PREX2: variants seen among roughly 807,000 people sequenced by gnomAD.
The protein encoded by PREX2 is phosphatidylinositol-3,4,5-trisphosphate dependent Rac exchange factor 2, also known as phosphatidylinositol 3,4,5-trisphosphate-dependent Rac exchanger 2 protein.
PREX2 carries 107 observed loss-of-function variants against 203.2 expected under a neutral mutation model. That is an observed-to-expected ratio of 0.53 (90% CI 0.45 to 0.62). PREX2 has a LOEUF of 0.62. Among genes scored for constraint, PREX2 ranks in the 20% least tolerant of loss-of-function variants. The pLI is 0.00. For synonymous variants in PREX2, 672 were observed against 663.6 expected (o/e 1.01, Z -0.19); for missense variants, 1,777 against 1,955.9 (o/e 0.91, Z 1.72).
intron 37 of PREX2, 186 bp downstream of exon 37, chr8:68,192,711 C>G: frequency 2.2e-6 from 1 of 449,462 alleles, no homozygotes; most frequent in Non-Finnish European, 3.9e-6. Flanking sequence ...TAGTCATACA[C>G]ATGAAGGCAA....
At chr8:68,072,122 C>T (rs1809214610) in intron 13 of PREX2, among the ~76,000 whole-genome samples, 2 of 152,056 alleles carry the variant, frequency 1.3e-5, no homozygotes, top group African/African-American at 4.8e-5. Flanking sequence ...CAACAGCATC[C>T]AGTATTTCAT....
chr8:68,185,348 C>T (rs1812169569), intron 35 of PREX2, among the ~76,000 whole-genome samples: 1 of 152,156 alleles, frequency 6.6e-6, no homozygotes, highest in Non-Finnish European at 1.5e-5. Context: ...CTTACATGAA[C>T]CCAGTCTTCA....
At chr8:68,140,664 C>T (rs939871392) in intron 33 of PREX2, among the ~76,000 whole-genome samples, 6 of 151,498 alleles carry the variant, frequency 4.0e-5, no homozygotes, top group Non-Finnish European at 5.9e-5. Context: ...AATCCAGGTC[C>T]GAATCTTGGC....
chr8:67,995,963 G>C (rs193046335), intron 1 of PREX2, among the ~76,000 whole-genome samples: 1 of 152,204 alleles, frequency 6.6e-6, no homozygotes, highest in Admixed American at 6.5e-5. Flanking sequence ...AAGGGTTCCA[G>C]CTGTTTCATA....
intron 32 of PREX2, among the ~76,000 whole-genome samples, chr8:68,137,866 G>T (rs1811144815): frequency 1.3e-5 from 2 of 152,118 alleles, no homozygotes; most frequent in Admixed American, 1.3e-4. Flanking sequence ...ACGCCATAAA[G>T]CCAAGTGAGG....
At chr8:68,221,103 G>A (rs879705300) in intron 38 of PREX2, among the ~76,000 whole-genome samples, 3 of 152,120 alleles carry the variant, frequency 2.0e-5, no homozygotes, top group Non-Finnish European at 4.4e-5. Context: ...ACTTAAAAGT[G>A]AGAGCATGCA....
rs1275313360 is a variant in PREX2 at position 68,090,696 on chromosome 8, A to C, written c.2231A>C (p.Lys744Thr). The change falls in exon 20 of 40, where the codon AAG (lysine) becomes ACG (threonine). Residue 744 changes from lysine to threonine, a missense_variant. Lys to Thr is a moderately conservative substitution (Grantham distance 78). Transcript: ENST00000288368. ...SVIAHVTACR[K>T]YRRPTKQDSI... The stretch of plus-strand genomic sequence containing the variant: ...ATTGCACACGTTACAGCCTGCAGGA[A>C]GTACAGGCGGCCAACGAAGGTAAGT... 1.2e-6 allele frequency: 2 copies of C among 1,613,650 alleles called. No individual in the cohort carries two copies. The highest frequency in any genetic ancestry group is 1.7e-6 in the Non-Finnish European group (2 of 1,179,762).
chr8:68,127,976 T>C (rs11987317), intron 31 of PREX2, among the ~76,000 whole-genome samples: 6,645 of 152,214 alleles, frequency 0.044, 426 homozygotes, highest in African/African-American at 0.14. Flanking sequence ...AAATAGTGGC[T>C]GGCATATAGA....
At chr8:68,037,469 T>C (rs185084303) in intron 6 of PREX2, among the ~76,000 whole-genome samples, 2 of 152,298 alleles carry the variant, frequency 1.3e-5, no homozygotes, top group Admixed American at 1.3e-4. Flanking sequence ...CTTTCCTCTG[T>C]TGATGATTCA....
At chr8:68,083,013 G>T in intron 17 of PREX2, 1 of 386,522 alleles carries the variant, frequency 2.6e-6, no homozygotes, top group Non-Finnish European at 4.7e-6. Context: ...GGAGGGAAAT[G>T]GGGATAATTT....
intron 23 of PREX2, among the ~76,000 whole-genome samples, chr8:68,101,078 T>C (rs544920909): frequency 7.2e-5 from 11 of 152,338 alleles, no homozygotes; most frequent in African/African-American, 2.4e-4. Context: ...TTAAATTATT[T>C]CCATCCAAAT....
chr8:68,220,610 C>A (rs954909864), intron 38 of PREX2, among the ~76,000 whole-genome samples: 2 of 152,100 alleles, frequency 1.3e-5, no homozygotes, highest in Non-Finnish European at 2.9e-5. Flanking sequence ...GCCACGGGCA[C>A]AAGCAAGCAA....
intron 1 of PREX2, among the ~76,000 whole-genome samples, chr8:68,001,907 C>G (rs1027050619): frequency 1.3e-4 from 19 of 151,906 alleles, no homozygotes; most frequent in Non-Finnish European, 2.5e-4. Flanking sequence ...CACTTGGACA[C>G]GAAGAGGGGA....
chr8:68,177,097 T>A (rs1315693806), intron 35 of PREX2: 1 of 152,640 alleles, frequency 6.6e-6, no homozygotes, highest in African/African-American at 2.4e-5. Flanking sequence ...TACAAGTACC[T>A]CCAATGGGAG....
chr8:68,001,096 A>G (rs1013745167), intron 1 of PREX2, among the ~76,000 whole-genome samples: 2 of 152,234 alleles, frequency 1.3e-5, no homozygotes, highest in African/African-American at 4.8e-5. Context: ...AAAATTGACA[A>G]ATAGGATGTA....
At chr8:68,139,789 G>A (rs1198521908) in intron 33 of PREX2, among the ~76,000 whole-genome samples, 1 of 152,162 alleles carries the variant, frequency 6.6e-6, no homozygotes, top group Non-Finnish European at 1.5e-5. Context: ...AGAACAAGAA[G>A]CACAAAGTTA....
In PREX2 at chr8:68,013,046, G is replaced by A. The variant is rs557794899; in HGVS notation, c.142-4800G>A. On this transcript the variant is annotated intron_variant, in intron 1 of 39. Transcript: ENST00000288368. ...GTGCAGTCTGGTGGTCTTCATAAAT[G>A]AAAACCATTGAGTTAAGAACAAAAG... 1.1e-3 allele frequency among the ~76,000 whole-genome samples: 162 copies of A among 152,266 alleles called. 1 individual carries two copies. The highest frequency in any genetic ancestry group is 3.5e-3 in the African/African-American group (146 of 41,560).
intron 30 of PREX2, among the ~76,000 whole-genome samples, chr8:68,125,962 A>G (rs1810877619): frequency 6.6e-6 from 1 of 152,010 alleles, no homozygotes; most frequent in African/African-American, 2.4e-5. Flanking sequence ...CGTGTTCATA[A>G]TTTCACTACT....
intron 8 of PREX2, among the ~76,000 whole-genome samples, chr8:68,048,265 A>C (rs572813453): frequency 6.6e-6 from 1 of 152,170 alleles, no homozygotes; most frequent in South Asian, 2.1e-4. Context: ...AACTTCCTAG[A>C]ATTAATTTTC....
Sources: allele counts gnomAD v4.1 joint callset (sites outside exome capture counted in the v4.1 genomes callset), GRCh38; gene constraint gnomAD v4.1.1; transcripts MANE v1.5; gene names NCBI Gene and HGNC (gene_info 2026-07-23, HGNC 2026-07-21).